KIF4B: variants seen among roughly 807,000 people sequenced by gnomAD.
KIF4B encodes chromosome-associated kinesin KIF4B.
A neutral mutation model predicts 69.0 loss-of-function variants in KIF4B; 60 were observed. That is an observed-to-expected ratio of 0.87 (90% CI 0.71 to 1.08). The LOEUF (loss-of-function observed/expected upper bound fraction) is 1.08. Among genes scored for constraint, KIF4B ranks in the 50% least tolerant of loss-of-function variants. The pLI is 0.00. For missense variants in KIF4B, 1,357 were observed against 1,451.9 expected, an observed-to-expected ratio of 0.93 and a Z score of 1.06; for synonymous variants, 489 against 533.0, an observed-to-expected ratio of 0.92 and a Z score of 1.14.
At position 155,017,527 on chromosome 5, in the gene KIF4B, T is replaced by C. The variant is rs1765351490; in HGVS notation, c.3668T>C (p.Phe1223Ser). ...GCTCTGGCTAGCAACACCAGCTTCT[T>C]CTCTGGCTGCTCCCCTATCGAAGAA... ...KRALASNTSF[F>S]SGCSPIEEEA... Residue 1223 changes from phenylalanine to serine, a missense_variant, in exon 1 of 1, where the codon TTC (phenylalanine) becomes TCC (serine). Physicochemically the swap from Phe to Ser is radical, Grantham distance 155. Transcript: ENST00000435029. The C allele has an allele frequency of 2.5e-6, 4 of 1,613,384 alleles. No individual in the cohort carries two copies. The highest frequency in any genetic ancestry group is 2.5e-6 in the Non-Finnish European group (3 of 1,179,776).
Position 155,017,144 on chromosome 5 carries a change from G to A in KIF4B, c.3285G>A (p.Gly1095=), listed in dbSNP as rs1464014841. 4 of 1,614,176 alleles carry A rather than the reference G, an allele frequency of 2.5e-6. No homozygotes were observed. The highest frequency in any genetic ancestry group is 3.4e-6 in the Non-Finnish European group (4 of 1,180,036). The change falls in exon 1 of 1, where the codon GGG becomes GGA. Residue 1095 remains glycine (G), a synonymous_variant. Transcript: ENST00000435029. ...GGTGTTCCTGCAAGGGCTGGTGTGG[G>A]AACAAGCAGTGTGGGTGCAGGAAGC... The part of the protein sequence containing the change: ...IQGCSCKGWC[G]NKQCGCRKQK...
rs149307043 is a variant in KIF4B, at chr5:155,015,799, G to C, written c.1940G>C (p.Arg647Pro). Residue 647 changes from arginine (R) to proline (P), a missense_variant, in exon 1 of 1, where the codon CGG becomes CCG. Physicochemically the swap from Arg to Pro is moderately radical, Grantham distance 103. Transcript: ENST00000435029. Reference protein sequence around the residue: ...NQEIWMMKNQRVQLMRQMKED... With the variant: ...NQEIWMMKNQPVQLMRQMKED... ...GAGATATGGATGATGAAAAACCAGC[G>C]GGTACAGTTAATGCGTCAAATGAAA... is the stretch of plus-strand genomic sequence containing the variant. The C allele has an allele frequency of 6.2e-7, 1 of 1,614,128 alleles. No homozygotes were observed. The highest frequency in any genetic ancestry group is 8.5e-7 in the Non-Finnish European group (1 of 1,180,040).
Position 155,016,804 on chromosome 5 carries a change from A to G in KIF4B, c.2945A>G (p.Gln982Arg). The change falls in exon 1 of 1, where the codon CAG becomes CGG. Residue 982 changes from glutamine (Q) to arginine (R), a missense_variant. Transcript: ENST00000435029. ...CGAGAAGTGTGTGAGCAAAATCAGC[A>G]GCTTCTCCAAGAGAATGAAATCATC... Reference protein sequence around the residue: ...KMREVCEQNQQLLQENEIIKQ... With the variant: ...KMREVCEQNQRLLQENEIIKQ... 6.2e-7 allele frequency: 1 copy of G among 1,614,196 alleles called. No homozygotes were observed. Among genetic ancestry groups the G allele is most frequent in the Non-Finnish European group, 8.5e-7 (1 of 1,180,032 alleles).
rs1765324361 is a variant in KIF4B at position 155,016,072 on chromosome 5, G to A, written c.2213G>A (p.Gly738Asp). The A allele has an allele frequency of 6.2e-7, 1 of 1,614,060 alleles. No individual in the cohort carries two copies. The highest frequency in any genetic ancestry group is 8.5e-7 in the Non-Finnish European group (1 of 1,180,056). Reference sequence around the variant, plus strand: ...GAGACTCAGAGCCATGGAAAGGAAGGTATTGCAGCTCGAGTGAGGAATTGG... The same window carrying A: ...GAGACTCAGAGCCATGGAAAGGAAGATATTGCAGCTCGAGTGAGGAATTGG... ...RKETQSHGKE[G>D]IAARVRNWLG... Residue 738 changes from glycine to aspartate, a missense_variant, in exon 1 of 1, where the codon GGT (glycine) becomes GAT (aspartate). Physicochemically the swap from Gly to Asp is moderately conservative, Grantham distance 94. Coordinates refer to ENST00000435029, the MANE Select transcript of KIF4B (RefSeq NM_001099293.3).
chr5:155,014,103 G>A lies in KIF4B; in HGVS notation c.244G>A (p.Ala82Thr). 4.3e-6 allele frequency: 7 copies of A among 1,614,200 alleles called. No homozygotes were observed. Among genetic ancestry groups the A allele is most frequent in the Non-Finnish European group, 5.9e-6 (7 of 1,180,044 alleles). ...LIKGIFKGYNATVLAYGQTGS... is the reference protein window; with the variant it reads ...LIKGIFKGYNTTVLAYGQTGS... ...AAAAGGCATATTTAAAGGATATAAT[G>A]CAACGGTCCTGGCCTATGGGCAGAC... Residue 82 changes from alanine (A) to threonine (T), a missense_variant, in exon 1 of 1, where the codon GCA becomes ACA. Physicochemically the swap from Ala to Thr is moderately conservative, Grantham distance 58 (BLOSUM62 0). Coordinates refer to ENST00000435029, the MANE Select transcript of KIF4B (RefSeq NM_001099293.3).
chr5:155,015,446 G>C lies in KIF4B; in HGVS notation c.1587G>C (p.Leu529Phe). The C allele has an allele frequency of 6.2e-7, 1 of 1,614,172 alleles. No homozygotes were observed. The highest frequency in any genetic ancestry group is 8.5e-7 in the Non-Finnish European group (1 of 1,180,030). Residue 529 changes from leucine to phenylalanine, a missense_variant, in exon 1 of 1, where the codon TTG becomes TTC. Coordinates refer to ENST00000435029, the MANE Select transcript of KIF4B (RefSeq NM_001099293.3). Reference sequence around the variant, plus strand: ...AGATGTCTAAGGAGGTGGTTGAGTTGAATAACGCCCTTGCACTGAAAGAGG... The same window carrying C: ...AGATGTCTAAGGAGGTGGTTGAGTTCAATAACGCCCTTGCACTGAAAGAGG... ...QAQMSKEVVELNNALALKEAL... is the reference protein window; with the variant it reads ...QAQMSKEVVEFNNALALKEAL...
At position 155,015,339 on chromosome 5, in the gene KIF4B, G is replaced by C. The variant is rs17116709; in HGVS notation, c.1480G>C (p.Glu494Gln). The C allele has an allele frequency of 2.9e-3, 4,653 of 1,614,190 alleles. 128 individuals carry two copies. The African/African-American group carries it at 0.053, about 19-fold the overall frequency. Reference protein sequence around the residue: ...TAAAIDTAVEEEAQVETSPET... With the variant: ...TAAAIDTAVEQEAQVETSPET... ...TGCAGCCATTGATACTGCGGTAGAA[G>C]AAGAAGCTCAAGTGGAAACCAGTCC... The change falls in exon 1 of 1, where the codon GAA becomes CAA. Residue 494 changes from glutamate (E) to glutamine (Q), a missense_variant. Transcript: ENST00000435029.
At position 155,017,570 on chromosome 5, in the gene KIF4B, G is replaced by A. The variant is rs1765352381; in HGVS notation, c.*6G>A. 1 of 1,610,574 alleles carries A rather than the reference G, an allele frequency of 6.2e-7. No individual in the cohort carries two copies. Among genetic ancestry groups the A allele is most frequent in the East Asian group, 2.2e-5 (1 of 44,882 alleles). On this transcript the variant is annotated 3_prime_UTR_variant, in exon 1 of 1. Transcript: ENST00000435029. The stretch of plus-strand genomic sequence containing the variant: ...TCGAAGAAGAGGCCCACTGAAGTTG[G>A]AGTCATCATCTCTACCCCCAATCTG...
chr5:155,017,389 A>G lies in KIF4B; in HGVS notation c.3530A>G (p.Gln1177Arg), dbSNP rs1293514206. 6.2e-7 allele frequency: 1 copy of G among 1,614,092 alleles called. No individual in the cohort carries two copies. The highest frequency in any genetic ancestry group is 1.3e-5 in the African/African-American group (1 of 74,932). Residue 1177 changes from glutamine to arginine, a missense_variant, in exon 1 of 1, where the codon CAG (glutamine) becomes CGG (arginine). Transcript: ENST00000435029. ...CTGAAAGAGATGTGTGACATGGAGC[A>G]GGTGCTGTCAAAGAAGACTGCTCCA... ...KILKEMCDME[Q>R]VLSKKTAPAP...
Position 155,014,504 on chromosome 5 carries a change from C to G in KIF4B, c.645C>G (p.Ile215Met). The G allele has an allele frequency of 6.2e-7, 1 of 1,614,126 alleles. No homozygotes were observed. The change falls in exon 1 of 1, where the codon ATC becomes ATG. Residue 215 changes from isoleucine to methionine, a missense_variant. Physicochemically the swap from Ile to Met is conservative, Grantham distance 10 (BLOSUM62 1). Transcript: ENST00000435029. Reference protein sequence around the residue: ...MNSQSSRSHAIFTISIEQRKK... With the variant: ...MNSQSSRSHAMFTISIEQRKK... ...CCCAGTCGTCCCGATCTCATGCCATCTTTACAATCTCCATAGAGCAAAGAA... is the reference window on the plus strand; with the variant it reads ...CCCAGTCGTCCCGATCTCATGCCATGTTTACAATCTCCATAGAGCAAAGAA...
rs764144799 is a variant in KIF4B at position 155,014,866 on chromosome 5, T to C, written c.1007T>C (p.Ile336Thr). Reference sequence around the variant, plus strand: ...CGCTATGCTGACAGAGCAAGAAAAATCAAGAACAAACCTATTGTTAATATT... The same window carrying C: ...CGCTATGCTGACAGAGCAAGAAAAACCAAGAACAAACCTATTGTTAATATT... The part of the protein sequence containing the change: ...TLRYADRARK[I>T]KNKPIVNIDP... The change falls in exon 1 of 1, where the codon ATC (isoleucine) becomes ACC (threonine). Residue 336 changes from isoleucine (I) to threonine (T), a missense_variant. Ile to Thr is a moderately conservative substitution (Grantham distance 89, BLOSUM62 -1). Coordinates refer to ENST00000435029, the MANE Select transcript of KIF4B (RefSeq NM_001099293.3). 27 of 1,613,786 alleles carry C rather than the reference T, an allele frequency of 1.7e-5. No homozygotes were observed. The highest frequency in any genetic ancestry group is 2.2e-5 in the Non-Finnish European group (26 of 1,179,996).
At position 155,015,647 on chromosome 5, in the gene KIF4B, G is replaced by C; in HGVS notation, c.1788G>C (p.Glu596Asp). ...KKNVNQAKLS[E>D]HRHKLLQELE... ...ATGTCAACCAAGCCAAGCTGAGTGA[G>C]CACCGCCACAAACTTCTCCAGGAGC... is the stretch of plus-strand genomic sequence containing the variant. The change falls in exon 1 of 1, where the codon GAG (glutamate) becomes GAC (aspartate). Residue 596 changes from glutamate (E) to aspartate (D), a missense_variant. Glu to Asp is a conservative substitution (Grantham distance 45). Transcript: ENST00000435029. The C allele has an allele frequency of 6.2e-7, 1 of 1,614,198 alleles. No homozygotes were observed. Among genetic ancestry groups the C allele is most frequent in the Non-Finnish European group, 8.5e-7 (1 of 1,180,040 alleles).
rs1765334226 is a variant in KIF4B at position 155,016,465 on chromosome 5, A to G, written c.2606A>G (p.Tyr869Cys). Reference sequence around the variant, plus strand: ...CTGGAAGCCAAGTGTGCCCTGAAATATTTGATTGGAGAGCTGGTCTCCTCC... The same window carrying G: ...CTGGAAGCCAAGTGTGCCCTGAAATGTTTGATTGGAGAGCTGGTCTCCTCC... ...TILEAKCALK[Y>C]LIGELVSSKI... Residue 869 changes from tyrosine to cysteine, a missense_variant, in exon 1 of 1, where the codon TAT becomes TGT. Tyr to Cys is a radical substitution (Grantham distance 194, BLOSUM62 -2). Coordinates refer to ENST00000435029, the MANE Select transcript of KIF4B (RefSeq NM_001099293.3). 1 of 1,614,112 alleles carries G rather than the reference A, an allele frequency of 6.2e-7. No homozygotes were observed. Among genetic ancestry groups the G allele is most frequent in the Non-Finnish European group, 8.5e-7 (1 of 1,180,034 alleles).
rs779440753 is a variant in KIF4B at position 155,017,065 on chromosome 5, A to G, written c.3206A>G (p.Asp1069Gly). ...GATGGCGACAGTGATGAGGGGGATGATGAGGAATGGAAGCCAACAAAATTA... is the reference window on the plus strand; with the variant it reads ...GATGGCGACAGTGATGAGGGGGATGGTGAGGAATGGAAGCCAACAAAATTA... Reference protein sequence around the residue: ...DGDGDSDEGDDEEWKPTKLVK... With the variant: ...DGDGDSDEGDGEEWKPTKLVK... The change falls in exon 1 of 1, where the codon GAT (aspartate) becomes GGT (glycine). Residue 1069 changes from aspartate to glycine, a missense_variant. Physicochemically the swap from Asp to Gly is moderately conservative, Grantham distance 94. Coordinates refer to ENST00000435029, the MANE Select transcript of KIF4B (RefSeq NM_001099293.3). 1.7e-5 allele frequency: 27 copies of G among 1,613,994 alleles called. 1 individual carries two copies. The South Asian group carries it at 3.0e-4, about 18-fold the overall frequency.
chr5:155,016,842 A>T lies in KIF4B; in HGVS notation c.2983A>T (p.Ile995Phe). The T allele has an allele frequency of 6.2e-7, 1 of 1,614,178 alleles. No homozygotes were observed. The highest frequency in any genetic ancestry group is 8.5e-7 in the Non-Finnish European group (1 of 1,180,046). ...QENEIIKQKL[I>F]LLQVASRQKH... ...GAATGAAATCATCAAGCAGAAACTG[A>T]TCCTCCTCCAGGTAGCCAGCAGACA... The change falls in exon 1 of 1, where the codon ATC becomes TTC. Residue 995 changes from isoleucine (I) to phenylalanine (F), a missense_variant. Ile to Phe is a conservative substitution (Grantham distance 21, BLOSUM62 0). Coordinates refer to ENST00000435029, the MANE Select transcript of KIF4B (RefSeq NM_001099293.3).
In KIF4B at chr5:155,017,360, G is replaced by A. The variant is rs538042543; in HGVS notation, c.3501G>A (p.Lys1167=). The A allele has an allele frequency of 1.2e-6, 2 of 1,614,202 alleles. No homozygotes were observed. The highest frequency in any genetic ancestry group is 2.2e-5 in the South Asian group (2 of 91,068). The part of the protein sequence containing the change: ...FNPVCATPNS[K]ILKEMCDMEQ... ...CTGTCTGTGCCACCCCCAATAGCAAGATCCTGAAAGAGATGTGTGACATGG... is the reference window on the plus strand; with the variant it reads ...CTGTCTGTGCCACCCCCAATAGCAAAATCCTGAAAGAGATGTGTGACATGG... Residue 1167 remains lysine (K), a synonymous_variant, in exon 1 of 1, where the codon AAG becomes AAA. Transcript: ENST00000435029.
chr5:155,015,729 A>G lies in KIF4B; in HGVS notation c.1870A>G (p.Lys624Glu), dbSNP rs781215402. ...KKLNEQSKLLKLKESTERTVS... is the reference protein window; with the variant it reads ...KKLNEQSKLLELKESTERTVS... ...ACTGAATGAGCAGTCCAAACTTCTGAAACTAAAGGAATCCACAGAGCGTAC... is the reference window on the plus strand; with the variant it reads ...ACTGAATGAGCAGTCCAAACTTCTGGAACTAAAGGAATCCACAGAGCGTAC... Residue 624 changes from lysine to glutamate, a missense_variant, in exon 1 of 1, where the codon AAA (lysine) becomes GAA (glutamate). By Grantham distance (56) the Lys-to-Glu change is moderately conservative (BLOSUM62 1). Transcript: ENST00000435029. 1 of 1,614,226 alleles carries G rather than the reference A, an allele frequency of 6.2e-7. No homozygotes were observed. The highest frequency in any genetic ancestry group is 1.1e-5 in the South Asian group (1 of 91,088).
chr5:155,015,491 T>C lies in KIF4B; in HGVS notation c.1632T>C (p.Thr544=), dbSNP rs756683859. 6.2e-7 allele frequency: 1 copy of C among 1,614,030 alleles called. No homozygotes were observed. The highest frequency in any genetic ancestry group is 8.5e-7 in the Non-Finnish European group (1 of 1,180,024). Residue 544 remains threonine, a synonymous_variant, in exon 1 of 1, where the codon ACT becomes ACC. Transcript: ENST00000435029. ...ALKEALVRKM[T]QNDNQLQPIQ... ...AAGAGGCCCTAGTTAGGAAGATGAC[T>C]CAGAACGACAACCAACTACAGCCCA... is the stretch of plus-strand genomic sequence containing the variant.
Position 155,016,649 on chromosome 5 carries a change from G to A in KIF4B, c.2790G>A (p.Lys930=). 1.2e-6 allele frequency: 2 copies of A among 1,614,192 alleles called. No homozygotes were observed. Among genetic ancestry groups the A allele is most frequent in the Non-Finnish European group, 1.7e-6 (2 of 1,180,042 alleles). Residue 930 remains lysine (K), a synonymous_variant, in exon 1 of 1, where the codon AAG becomes AAA. Coordinates refer to ENST00000435029, the MANE Select transcript of KIF4B (RefSeq NM_001099293.3). ...GAATGGAGCAACAGCACCAAGAGAA[G>A]GTGCTATACCTTGTCAGCCAGCTGC... ...LVRMEQQHQE[K]VLYLVSQLQE...
Sources: gnomAD v4.1 joint callset for allele counts on GRCh38, gnomAD v4.1.1 for gene constraint, MANE v1.5 for transcripts, NCBI Gene and HGNC (gene_info 2026-07-23, HGNC 2026-07-21) for gene names.